The following CUBN variants were observed in gnomAD, a reference collection of about 807,000 sequenced individuals.
CUBN encodes 460 kDa receptor.
Under a neutral mutation model 405.3 loss-of-function variants are expected in CUBN, and 282 were observed. That is an observed-to-expected ratio of 0.70 (90% CI 0.63 to 0.77). CUBN has a LOEUF of 0.77. CUBN is among the 30% of genes least tolerant of loss of function. CUBN has a pLI of 0.00. For synonymous variants in CUBN, 1,684 were observed against 1,617.0 expected, an observed-to-expected ratio of 1.04 and a Z score of -0.99; for missense variants, 4,514 against 4,475.2, an observed-to-expected ratio of 1.01 and a Z score of -0.25.
At chr10:17,022,273 C>T (rs920243709) in intron 27 of CUBN, among the ~76,000 whole-genome samples, 1 of 152,114 alleles carries the variant, frequency 6.6e-6, no homozygotes, top group Non-Finnish European at 1.5e-5. Flanking sequence ...CAGGGAAGGT[C>T]AGCAGATATT....
At chr10:17,078,741 G>A (rs764394562) in intron 17 of CUBN, among the ~76,000 whole-genome samples, 1 of 152,052 alleles carries the variant, frequency 6.6e-6, no homozygotes, top group East Asian at 1.9e-4. Context: ...TGGCTTACAG[G>A]TATCTTGCCT....
At chr10:16,915,352 T>C (rs1841853876) in intron 46 of CUBN, among the ~76,000 whole-genome samples, 180 bp from the exon 47 acceptor site, 1 of 152,022 alleles carries the variant, frequency 6.6e-6, no homozygotes, top group Non-Finnish European at 1.5e-5. Flanking sequence ...TTCAAATACA[T>C]GAAGAAGTGA....
In CUBN at chr10:16,991,812, C is replaced by T. The variant is rs527791950; in HGVS notation, c.4169-1297G>A. ...TTGGTGGGACTGTAAACTAGTTCAA[C>T]CATTGTGGAAGTCAGTGTGGCAATT... On this transcript the variant is annotated intron_variant, in intron 28 of 66. Coordinates refer to ENST00000377833, the MANE Select transcript of CUBN (RefSeq NM_001081.4). Among the ~76,000 whole-genome samples, 13 of 152,136 alleles carry T rather than the reference C, an allele frequency of 8.5e-5. 1 individual carries two copies. In the South Asian group the frequency reaches 2.7e-3, roughly 32 times the overall value.
intron 2 of CUBN, 111 bp downstream of exon 2, chr10:17,129,010 T>TA (rs890460198): frequency 2.4e-6 from 2 of 822,764 alleles, no homozygotes; most frequent in African/African-American, 3.5e-5. Context: ...TATGTATTAA[T>TA]AAAAAATAAT....
intron 17 of CUBN, among the ~76,000 whole-genome samples, chr10:17,083,610 T>G (rs1234272923): frequency 1.3e-5 from 2 of 152,212 alleles, no homozygotes; most frequent in Non-Finnish European, 2.9e-5. Context: ...GCTAAAGTTC[T>G]GTTTCCTCTG....
chr10:16,984,130 A>C lies in CUBN; in HGVS notation c.4500T>G (p.Asn1500Lys), dbSNP rs1466761888. The C allele has an allele frequency of 6.2e-7, 1 of 1,614,002 alleles. No homozygotes were observed. The highest frequency in any genetic ancestry group is 8.5e-7 in the Non-Finnish European group (1 of 1,180,024). The change falls in exon 30 of 67, where the codon AAT becomes AAG. Residue 1500 changes from asparagine to lysine, a missense_variant. Around this residue, in one of 5 missense-constraint regions of CUBN, gnomAD observed 1,613 missense variants for 1,542.8 expected, o/e 1.05. Coordinates refer to ENST00000377833, the MANE Select transcript of CUBN (RefSeq NM_001081.4). ...TDLSINGRGF[N>K]ASWQAVTGGC... Reference sequence around the variant, plus strand: ...CTCCAGTGACTGCTTGCCATGACGCATTGAAGCCTCTCCCATTTATGGACA... The same window carrying C: ...CTCCAGTGACTGCTTGCCATGACGCCTTGAAGCCTCTCCCATTTATGGACA...
At chr10:17,126,842 G>A (rs992070619) in intron 3 of CUBN, 43 bp from the exon 4 acceptor site, 4 of 1,601,376 alleles carry the variant, frequency 2.5e-6, no homozygotes, top group Non-Finnish European at 3.4e-6. Flanking sequence ...TGGTTCAAAG[G>A]CATTGCACAT....
At chr10:16,843,111 G>A (rs1338766569) in intron 60 of CUBN, among the ~76,000 whole-genome samples, 2 of 152,142 alleles carry the variant, frequency 1.3e-5, no homozygotes, top group Non-Finnish European at 2.9e-5. Flanking sequence ...TAAGTCCCAC[G>A]TGTGGGGAGA....
intron 6 of CUBN, among the ~76,000 whole-genome samples, chr10:17,118,916 A>G (rs1836967428): frequency 6.6e-6 from 1 of 152,250 alleles, no homozygotes; most frequent in South Asian, 2.1e-4. Flanking sequence ...TTACTGATAT[A>G]GCAGAAGTGT....
chr10:17,044,004 T>C (rs1310466844), intron 25 of CUBN, 21 bp from the exon 26 acceptor site: 2 of 1,605,158 alleles, frequency 1.2e-6, no homozygotes, highest in East Asian at 2.2e-5. Flanking sequence ...ATATTTTGAA[T>C]GTTAGATGGT....
chr10:17,005,316 T>C (rs1431164255), intron 28 of CUBN, among the ~76,000 whole-genome samples: 1 of 152,208 alleles, frequency 6.6e-6, no homozygotes, highest in Non-Finnish European at 1.5e-5. Context: ...TTCTCAACCA[T>C]GAAAATTTAA....
intron 26 of CUBN, 54 bp from the exon 27 acceptor site, chr10:17,041,274 C>A: frequency 7.0e-7 from 1 of 1,427,704 alleles, no homozygotes; most frequent in South Asian, 1.2e-5. Flanking sequence ...ATAAGTGCTC[C>A]AAGATGAGAT....
chr10:16,954,286 G>A, intron 32 of CUBN, 103 bp downstream of exon 32: 1 of 1,294,748 alleles, frequency 7.7e-7, no homozygotes, highest in Non-Finnish European at 1.1e-6. Context: ...ATGTTAAGTA[G>A]AAGGCTGTGA....
intron 62 of CUBN, among the ~76,000 whole-genome samples, chr10:16,838,533 C>T (rs1260115492): frequency 6.6e-6 from 1 of 152,210 alleles, no homozygotes; most frequent in Admixed American, 6.5e-5. Flanking sequence ...AATGATGATG[C>T]ACAAAAATCT....
intron 56 of CUBN, among the ~76,000 whole-genome samples, chr10:16,880,674 C>T (rs1445091625): frequency 2.6e-5 from 4 of 152,204 alleles, no homozygotes. Flanking sequence ...TTTTAAAAAG[C>T]ATCTCTGTGC....
chr10:17,114,192 G>A lies in CUBN; in HGVS notation c.721-3C>T, dbSNP rs765496550. 1.2e-6 allele frequency: 2 copies of A among 1,613,694 alleles called. No individual in the cohort carries two copies. The highest frequency in any genetic ancestry group is 4.5e-5 in the East Asian group (2 of 44,872). ...TCACAGACGCAGCTGTACTTGGGCTGGCAGGATGACAACAGCGTGAATAAA... is the reference window on the plus strand; with the variant it reads ...TCACAGACGCAGCTGTACTTGGGCTAGCAGGATGACAACAGCGTGAATAAA... On this transcript the variant is annotated splice_polypyrimidine_tract_variant and splice_region_variant and intron_variant, in intron 7 of 66. Transcript: ENST00000377833.
chr10:16,951,722 C>T (rs1842925935), intron 33 of CUBN, among the ~76,000 whole-genome samples: 1 of 152,150 alleles, frequency 6.6e-6, no homozygotes, highest in African/African-American at 2.4e-5. Flanking sequence ...AGCGTTTATT[C>T]AATGTTTCTT....
chr10:16,938,330 T>C (rs1842572885), intron 38 of CUBN, among the ~76,000 whole-genome samples: 1 of 152,166 alleles, frequency 6.6e-6, no homozygotes, highest in African/African-American at 2.4e-5. Flanking sequence ...GGTTTTAAAA[T>C]CTCAAATTAC....
At chr10:17,088,413 C>T in intron 14 of CUBN, 68 bp from the exon 15 acceptor site, 1 of 1,391,684 alleles carries the variant, frequency 7.2e-7, no homozygotes, top group Non-Finnish European at 1.0e-6. Flanking sequence ...ATGATCAGAG[C>T]CCTTGGCGTA....
Sources: gnomAD v4.1 joint callset for allele counts (sites outside exome capture counted in the v4.1 genomes callset) on GRCh38, gnomAD v4.1.1 for gene constraint, gnomAD v4.1.1 regional missense constraint, MANE v1.5 for transcripts, NCBI Gene and HGNC (gene_info 2026-07-23, HGNC 2026-07-21) for gene names.